The following EPHA6 variants were observed in gnomAD, a reference collection of about 807,000 sequenced individuals.
EPHA6 encodes the protein EPH receptor A6, also known as ephrin type-A receptor 6.
A neutral mutation model predicts 112.0 loss-of-function variants in EPHA6; 50 were observed. The ratio of observed to expected loss-of-function variants is 0.45; its 90% CI spans 0.36 to 0.56. EPHA6 has a LOEUF of 0.56. EPHA6 is among the 20% of genes least tolerant of loss of function. EPHA6 has a pLI of 0.00. For missense variants in EPHA6, 1,280 were observed against 1,417.4 expected, an observed-to-expected ratio of 0.90 and a Z score of 1.56; for synonymous variants, 529 against 490.7, an observed-to-expected ratio of 1.08 and a Z score of -1.03.
intron 14 of EPHA6, among the ~76,000 whole-genome samples, chr3:97,698,245 T>C (rs2033162407): frequency 6.6e-6 from 1 of 152,178 alleles, no homozygotes; most frequent in Admixed American, 6.5e-5. Flanking sequence ...CAGGTCTGCC[T>C]GCCTTGGCCT....
At chr3:96,984,770 G>A (rs1375779539) in intron 2 of EPHA6, among the ~76,000 whole-genome samples, 1 of 152,136 alleles carries the variant, frequency 6.6e-6, no homozygotes, top group Non-Finnish European at 1.5e-5. Flanking sequence ...CCCTCCCCCA[G>A]CCCTGCTGCC....
chr3:96,970,593 C>A (rs2042280487), intron 2 of EPHA6, among the ~76,000 whole-genome samples: 2 of 152,026 alleles, frequency 1.3e-5, no homozygotes, highest in African/African-American at 4.8e-5. Context: ...TTTAAGCTTT[C>A]TTATTATTAA....
chr3:97,282,423 T>C (rs927455288), intron 5 of EPHA6, among the ~76,000 whole-genome samples: 39 of 152,148 alleles, frequency 2.6e-4, no homozygotes, highest in African/African-American at 8.9e-4. Flanking sequence ...TGGAAGACAA[T>C]GCGGCAATTC....
intron 14 of EPHA6, among the ~76,000 whole-genome samples, chr3:97,670,555 A>G (rs889983656): frequency 6.6e-6 from 1 of 152,158 alleles, no homozygotes; most frequent in African/African-American, 2.4e-5. Flanking sequence ...ATGTTTTAGG[A>G]CTATTCTTAC....
intron 11 of EPHA6, chr3:97,572,708 AG>A (rs2093346562): frequency 7.9e-5 from 12 of 152,162 alleles, no homozygotes; most frequent in Non-Finnish European, 1.8e-4. Context: ...CTGGCTCAGA[AG>A]AGACCAACTT....
At chr3:97,524,370 A>T (rs1224899626) in intron 10 of EPHA6, among the ~76,000 whole-genome samples, 5 of 152,006 alleles carry the variant, frequency 3.3e-5, no homozygotes, top group African/African-American at 1.2e-4. Context: ...CTATGCTTAT[A>T]TTTCTCCTCC....
chr3:97,288,893 G>C (rs1367824557), intron 5 of EPHA6, among the ~76,000 whole-genome samples: 2 of 135,918 alleles, frequency 1.5e-5, no homozygotes, highest in East Asian at 4.2e-4. Context: ...AGAAGTGTCT[G>C]TCCATATCTT....
rs189487437 is a variant in EPHA6 at position 97,229,024 on chromosome 3, G to A, written c.1270+2605G>A. On this transcript the variant is annotated intron_variant, in intron 4 of 17. Transcript: ENST00000389672. ...GTTGGCAGTTTGTGTATCTTCTTTT[G>A]AGAATTGTCTATCCATGTCCTTTGC... Among the ~76,000 whole-genome samples, 842 of 152,198 alleles carry A rather than the reference G, an allele frequency of 5.5e-3. 9 individuals are homozygous for A. The highest frequency in any genetic ancestry group is 8.6e-3 in the Non-Finnish European group (584 of 67,998).
At chr3:97,374,667 C>T (rs1026395101) in intron 5 of EPHA6, among the ~76,000 whole-genome samples, 3 of 151,992 alleles carry the variant, frequency 2.0e-5, no homozygotes, top group African/African-American at 7.2e-5. Flanking sequence ...CTCGCTCATC[C>T]TTATATTAGT....
At chr3:97,109,731 C>T (rs755636489) in intron 3 of EPHA6, among the ~76,000 whole-genome samples, 2 of 152,044 alleles carry the variant, frequency 1.3e-5, no homozygotes, top group African/African-American at 2.4e-5. Context: ...TACTGACCAA[C>T]GACAATGTAC....
At chr3:97,438,306 T>A (rs1029697915) in intron 6 of EPHA6, among the ~76,000 whole-genome samples, 4 of 152,166 alleles carry the variant, frequency 2.6e-5, no homozygotes, top group African/African-American at 9.6e-5. Context: ...CTGTATAGCA[T>A]ACTGTTTTGT....
rs563917837 is a variant in EPHA6 at position 97,446,570 on chromosome 3, T to C, written c.1732-1998T>C. 2.9e-4 allele frequency among the ~76,000 whole-genome samples: 44 copies of C among 152,202 alleles called. No individual in the cohort carries two copies. In the South Asian group the frequency reaches 9.1e-3, roughly 32 times the overall value. Reference sequence around the variant, plus strand: ...TCTCTTTTGGGATGAGACTAAATGCTTTTTTTCATTGCTTTAAAGTTCTTA... The same window carrying C: ...TCTCTTTTGGGATGAGACTAAATGCCTTTTTTCATTGCTTTAAAGTTCTTA... On this transcript the variant is annotated intron_variant, in intron 6 of 17. Coordinates refer to ENST00000389672, the MANE Select transcript of EPHA6 (RefSeq NM_001080448.3).
intron 5 of EPHA6, chr3:97,244,571 A>G (rs1364956626): frequency 1.0e-5 from 4 of 397,000 alleles, no homozygotes; most frequent in Admixed American, 8.5e-5. Context: ...GAGTAAGTCC[A>G]TATTACTTAC....
At chr3:97,466,195 C>G (rs1560038834) in intron 7 of EPHA6, 3 of 736,360 alleles carry the variant, frequency 4.1e-6, no homozygotes, top group Non-Finnish European at 7.4e-6. Flanking sequence ...ACTTCCAATC[C>G]TATCCATCCA....
intron 5 of EPHA6, among the ~76,000 whole-genome samples, chr3:97,296,218 A>G (rs533735919): frequency 3.3e-5 from 5 of 152,200 alleles, no homozygotes; most frequent in South Asian, 2.1e-4. Flanking sequence ...ATTCTACTAG[A>G]TGATGGCTCC....
intron 3 of EPHA6, among the ~76,000 whole-genome samples, chr3:97,216,626 A>G (rs565280595): frequency 3.9e-5 from 6 of 152,320 alleles, no homozygotes; most frequent in African/African-American, 1.2e-4. Context: ...TGGTAGGCCT[A>G]TGTTCCTACC....
chr3:96,992,052 T>A (rs1400267903), intron 3 of EPHA6, among the ~76,000 whole-genome samples: 1 of 152,172 alleles, frequency 6.6e-6, no homozygotes, highest in African/African-American at 2.4e-5. Flanking sequence ...GCCGCTGCAC[T>A]CTTAGTCATT....
At chr3:96,850,680 A>G (rs970076144) in intron 1 of EPHA6, among the ~76,000 whole-genome samples, 1 of 152,110 alleles carries the variant, frequency 6.6e-6, no homozygotes. Flanking sequence ...TCAGGTTTTA[A>G]GCAAAAGCAA....
intron 3 of EPHA6, among the ~76,000 whole-genome samples, chr3:97,166,314 T>G (rs1473252940): frequency 6.6e-6 from 1 of 152,034 alleles, no homozygotes; most frequent in Non-Finnish European, 1.5e-5. Context: ...AAAACATTTA[T>G]GCTTTCATCC....
Sources: gnomAD v4.1 joint callset for allele counts (sites outside exome capture counted in the v4.1 genomes callset) on GRCh38, gnomAD v4.1.1 for gene constraint, MANE v1.5 for transcripts, NCBI Gene and HGNC (gene_info 2026-07-23, HGNC 2026-07-21) for gene names.